Variants in MYO5B observed in about 807,000 individuals in gnomAD.
The protein encoded by MYO5B is unconventional myosin-Vb.
In MYO5B, 143 loss-of-function variants were observed where a neutral mutation model predicts 229.3. The ratio of observed to expected loss-of-function variants is 0.62; its 90% CI spans 0.54 to 0.72. The LOEUF (loss-of-function observed/expected upper bound fraction) is 0.72, where lower values mean the gene tolerates loss of function less well. Among genes scored for constraint, MYO5B ranks in the 30% least tolerant of loss-of-function variants. The pLI is 0.00. For missense variants in MYO5B, 2,321 were observed against 2,331.0 expected, an observed-to-expected ratio of 1.00 and a Z score of 0.09; for synonymous variants, 918 against 885.2, an observed-to-expected ratio of 1.04 and a Z score of -0.66.
chr18:50,060,114 C>A (rs529840612), intron 1 of MYO5B, among the ~76,000 whole-genome samples: 17 of 152,272 alleles, frequency 1.1e-4, no homozygotes, highest in Admixed American at 1.1e-3. Context: ...TGGTTGCAAA[C>A]ACTGAATGTA....
At chr18:50,066,308 C>CT (rs1431736213) in intron 1 of MYO5B, among the ~76,000 whole-genome samples, 1 of 152,174 alleles carries the variant, frequency 6.6e-6, no homozygotes, top group African/African-American at 2.4e-5. Flanking sequence ...CCCATACAAA[C>CT]TGTCTTTGAA....
intron 1 of MYO5B, among the ~76,000 whole-genome samples, chr18:50,110,149 C>T (rs1193934734): frequency 2.6e-5 from 4 of 152,180 alleles, no homozygotes; most frequent in African/African-American, 7.2e-5. Flanking sequence ...CAGATATCCA[C>T]GCTGCTTCCT....
At chr18:50,046,221 G>A (rs2030221257) in intron 2 of MYO5B, among the ~76,000 whole-genome samples, 1 of 152,182 alleles carries the variant, frequency 6.6e-6, no homozygotes, top group African/African-American at 2.4e-5. Context: ...CAAAGCAGTG[G>A]CTCTCAACCC....
intron 4 of MYO5B, among the ~76,000 whole-genome samples, chr18:50,025,330 A>C (rs1305680240): frequency 6.6e-6 from 1 of 152,164 alleles, no homozygotes; most frequent in Non-Finnish European, 1.5e-5. Context: ...CAAAGAACGC[A>C]GTTTCCACAT....
chr18:50,129,058 G>A (rs944716131), intron 1 of MYO5B, among the ~76,000 whole-genome samples: 6 of 152,156 alleles, frequency 3.9e-5, no homozygotes, highest in Non-Finnish European at 7.3e-5. Context: ...TGTCAGAGCC[G>A]GCTCAGGAGA....
intron 1 of MYO5B, among the ~76,000 whole-genome samples, chr18:50,145,230 G>A (rs1179606103): frequency 1.3e-5 from 2 of 152,066 alleles, no homozygotes; most frequent in Non-Finnish European, 2.9e-5. Flanking sequence ...CCTCATGCCT[G>A]CAATCTCAGC....
At chr18:49,957,693 A>AAC (rs1477512911) in intron 12 of MYO5B, among the ~76,000 whole-genome samples, 2 of 151,546 alleles carry the variant, frequency 1.3e-5, no homozygotes, top group East Asian at 3.9e-4. Flanking sequence ...AAAAAAAAAA[A>AAC]AAAAACCAGA....
intron 14 of MYO5B, among the ~76,000 whole-genome samples, chr18:49,943,883 A>G (rs576711386): frequency 6.6e-6 from 1 of 152,334 alleles, no homozygotes; most frequent in South Asian, 2.1e-4. Context: ...TGAAGACAGG[A>G]TTCTCTTAGG....
At chr18:50,037,672 G>C (rs1398963802) in intron 3 of MYO5B, among the ~76,000 whole-genome samples, 1 of 152,202 alleles carries the variant, frequency 6.6e-6, no homozygotes, top group Non-Finnish European at 1.5e-5. Context: ...TGCTGAGGCA[G>C]GAGAATCGCT....
chr18:49,970,923 C>T (rs565170597), intron 10 of MYO5B: 1 of 152,188 alleles, frequency 6.6e-6, no homozygotes, highest in South Asian at 2.1e-4. Flanking sequence ...AGTATTCTTT[C>T]TGTTCTCTCT....
At chr18:49,926,554 G>A (rs1296358794) in intron 17 of MYO5B, among the ~76,000 whole-genome samples, 1 of 152,226 alleles carries the variant, frequency 6.6e-6, no homozygotes, top group Non-Finnish European at 1.5e-5. Flanking sequence ...ATGCTGGTAG[G>A]CAGTGTGATT....
At chr18:49,849,467 T>C (rs956276128) in intron 32 of MYO5B, 100 bp downstream of exon 32, 2 of 880,272 alleles carry the variant, frequency 2.3e-6, no homozygotes, top group South Asian at 1.3e-5. Context: ...AAATCAGTGA[T>C]GTAGGAAGAA....
At chr18:50,164,147 C>T (rs1273379621) in intron 1 of MYO5B, among the ~76,000 whole-genome samples, 1 of 152,190 alleles carries the variant, frequency 6.6e-6, no homozygotes, top group African/African-American at 2.4e-5. Flanking sequence ...AGAAGCTCCC[C>T]ACACGAACCT....
intron 2 of MYO5B, among the ~76,000 whole-genome samples, chr18:50,046,437 T>C (rs2030228288): frequency 6.6e-6 from 1 of 152,202 alleles, no homozygotes. Flanking sequence ...AAACTCAGTT[T>C]CCCTAATTGT....
At position 49,891,766 on chromosome 18, in the gene MYO5B, A is replaced by C. The variant is rs937797670; in HGVS notation, c.3045+3175T>G. On this transcript the variant is annotated intron_variant, in intron 22 of 39. Coordinates refer to ENST00000285039, the MANE Select transcript of MYO5B (RefSeq NM_001080467.3). Reference sequence around the variant, plus strand: ...CCCATTCCCCAAGCCAGATCTCTCTACCTCTATTTGGAGAAATCAAAACCT... The same window carrying C: ...CCCATTCCCCAAGCCAGATCTCTCTCCCTCTATTTGGAGAAATCAAAACCT... 2.0e-5 allele frequency among the ~76,000 whole-genome samples: 3 copies of C among 152,304 alleles called. No individual in the cohort carries two copies. In the East Asian group the frequency reaches 5.8e-4, roughly 29 times the overall value.
chr18:49,866,047 T>C (rs2024391771), intron 27 of MYO5B, among the ~76,000 whole-genome samples: 1 of 152,142 alleles, frequency 6.6e-6, no homozygotes, highest in East Asian at 1.9e-4. Flanking sequence ...GTAAAAAATA[T>C]AAAACACAAA....
intron 39 of MYO5B, among the ~76,000 whole-genome samples, chr18:49,830,145 CCACACACACACACA>C (rs57718809): frequency 0.2 from 30,495 of 149,976 alleles, 4,297 homozygotes; most frequent in East Asian, 0.59. Flanking sequence ...CTGAAAGAAT[CCACACACACACACA>C]CACACACACA....
At chr18:49,918,224 A>G (rs555634720) in intron 17 of MYO5B, among the ~76,000 whole-genome samples, 49 of 152,316 alleles carry the variant, frequency 3.2e-4, no homozygotes, top group African/African-American at 1.0e-3. Flanking sequence ...AAGGGCCCCA[A>G]TGGACCAATA....
intron 33 of MYO5B, among the ~76,000 whole-genome samples, chr18:49,846,248 C>A (rs1269726629): frequency 6.6e-6 from 1 of 152,186 alleles, no homozygotes; most frequent in African/African-American, 2.4e-5. Flanking sequence ...TTTAATGAGC[C>A]TGTGAATGTC....
Sources: gnomAD v4.1 joint callset for allele counts (sites outside exome capture counted in the v4.1 genomes callset) on GRCh38, gnomAD v4.1.1 for gene constraint, MANE v1.5 for transcripts, NCBI Gene and HGNC (gene_info 2026-07-23, HGNC 2026-07-21) for gene names.